The following ADAM32 variants were observed in gnomAD, a reference collection of about 807,000 sequenced individuals.
ADAM32 encodes the protein ADAM metallopeptidase domain 32, also known as disintegrin and metalloproteinase domain-containing protein 32.
In ADAM32, 89 loss-of-function variants were observed where a neutral mutation model predicts 114.9. The observed-to-expected ratio is 0.77, with a 90% CI of 0.65 to 0.92. The LOEUF is 0.92. ADAM32 is among the 40% of genes least tolerant of loss of function. ADAM32 has a pLI of 0.00. For missense variants in ADAM32, 870 were observed against 932.8 expected, an observed-to-expected ratio of 0.93 and a Z score of 0.88; for synonymous variants, 285 against 307.5, an observed-to-expected ratio of 0.93 and a Z score of 0.77.
chr8:39,108,835 T>C (rs1564413672), intron 1 of ADAM32, among the ~76,000 whole-genome samples: 1 of 152,202 alleles, frequency 6.6e-6, no homozygotes, highest in African/African-American at 2.4e-5. Flanking sequence ...GAGTGTTCTC[T>C]TCCTGGCTTG....
At chr8:39,245,814 C>A (rs1810879267) in intron 16 of ADAM32, among the ~76,000 whole-genome samples, 5 of 152,024 alleles carry the variant, frequency 3.3e-5, no homozygotes, top group Admixed American at 3.3e-4. Context: ...AAACACTGGG[C>A]TTTTTGTTAT....
At chr8:39,205,955 A>G (rs1405441845) in intron 11 of ADAM32, among the ~76,000 whole-genome samples, 1 of 151,556 alleles carries the variant, frequency 6.6e-6, no homozygotes, top group Non-Finnish European at 1.5e-5. Context: ...TGTTTCATTC[A>G]TATTTTTGTG....
At chr8:39,179,069 G>T (rs1805691622) in intron 10 of ADAM32, among the ~76,000 whole-genome samples, 1 of 152,150 alleles carries the variant, frequency 6.6e-6, no homozygotes, top group Non-Finnish European at 1.5e-5. Flanking sequence ...TGCTGTGTTT[G>T]GGGGAGCCCT....
At chr8:39,207,791 T>C (rs1807947013) in intron 11 of ADAM32, among the ~76,000 whole-genome samples, 1 of 152,238 alleles carries the variant, frequency 6.6e-6, no homozygotes, top group African/African-American at 2.4e-5. Flanking sequence ...AAATCAACTT[T>C]TTAAAAATTT....
intron 6 of ADAM32, chr8:39,157,998 C>A: frequency 6.6e-6 from 2 of 304,738 alleles, no homozygotes; most frequent in South Asian, 3.9e-5. Context: ...CTCAGTGGGT[C>A]TTGTAGGGCA....
chr8:39,280,025 T>C (rs571176782), intron 22 of ADAM32, among the ~76,000 whole-genome samples: 51 of 152,362 alleles, frequency 3.3e-4, no homozygotes, highest in African/African-American at 1.2e-3. Context: ...GCCTGTGATT[T>C]CTGCATCTCT....
chr8:39,182,567 C>A (rs919083969), intron 10 of ADAM32, among the ~76,000 whole-genome samples: 5 of 152,126 alleles, frequency 3.3e-5, no homozygotes, highest in African/African-American at 7.2e-5. Flanking sequence ...TTCAAGAATA[C>A]AATTTATCAT....
At chr8:39,138,186 T>A (rs930536007) in intron 3 of ADAM32, among the ~76,000 whole-genome samples, 8 of 152,168 alleles carry the variant, frequency 5.3e-5, no homozygotes, top group African/African-American at 9.7e-5. Flanking sequence ...GTTCTTTTTT[T>A]ATTATACTTT....
upstream of ADAM32, chr8:39,107,580 T>C: frequency 2.9e-6 from 4 of 1,398,366 alleles, no homozygotes; most frequent in Non-Finnish European, 3.7e-6. Context: ...GAGCTGGATG[T>C]TTTAGCCTCG....
At chr8:39,117,630 C>G (rs1840431721) in intron 1 of ADAM32, among the ~76,000 whole-genome samples, 1 of 151,992 alleles carries the variant, frequency 6.6e-6, no homozygotes, top group Non-Finnish European at 1.5e-5. Context: ...TGCTTATCTC[C>G]CCTTATACAT....
intron 19 of ADAM32, among the ~76,000 whole-genome samples, chr8:39,267,504 G>A (rs933006221): frequency 6.6e-6 from 1 of 152,034 alleles, no homozygotes; most frequent in African/African-American, 2.4e-5. Context: ...GAATATTTGG[G>A]TTATTTCCAG....
chr8:39,284,471 T>G (rs1195635301), intron 24 of ADAM32, among the ~76,000 whole-genome samples: 1 of 151,976 alleles, frequency 6.6e-6, no homozygotes, highest in Non-Finnish European at 1.5e-5. Context: ...TAATGTGAAC[T>G]TAAATTTCTA....
intron 23 of ADAM32, among the ~76,000 whole-genome samples, chr8:39,283,121 G>A (rs1319371377): frequency 6.6e-6 from 1 of 152,052 alleles, no homozygotes; most frequent in Non-Finnish European, 1.5e-5. Flanking sequence ...GGAAAAGACT[G>A]GGTGTGGTGG....
chr8:39,156,190 G>A (rs1026814436), intron 6 of ADAM32, among the ~76,000 whole-genome samples: 3 of 152,078 alleles, frequency 2.0e-5, no homozygotes, highest in African/African-American at 7.2e-5. Flanking sequence ...CATCCAGGCT[G>A]GAGTGTGGTG....
chr8:39,239,754 T>C (rs1170717247), intron 16 of ADAM32, among the ~76,000 whole-genome samples: 1 of 152,120 alleles, frequency 6.6e-6, no homozygotes, highest in South Asian at 2.1e-4. Context: ...CAAATGGACA[T>C]GTAAAGTGAG....
intron 11 of ADAM32, among the ~76,000 whole-genome samples, chr8:39,207,807 G>A (rs1380679324): frequency 6.6e-6 from 1 of 152,010 alleles, no homozygotes; most frequent in Non-Finnish European, 1.5e-5. Context: ...AATTTCACAC[G>A]TGAGTGTGAT....
At chr8:39,147,922 C>A (rs995143513) in intron 4 of ADAM32, among the ~76,000 whole-genome samples, 1 of 152,014 alleles carries the variant, frequency 6.6e-6, no homozygotes, top group Non-Finnish European at 1.5e-5. Context: ...TACAGGCATG[C>A]ACCACCATGC....
intron 20 of ADAM32, among the ~76,000 whole-genome samples, chr8:39,274,084 C>T (rs1044637323): frequency 1.3e-5 from 2 of 152,094 alleles, no homozygotes; most frequent in African/African-American, 4.8e-5. Flanking sequence ...TGGATACTCT[C>T]CTCATTGCAG....
chr8:39,207,036 C>A (rs1807888818), intron 11 of ADAM32, among the ~76,000 whole-genome samples: 1 of 152,020 alleles, frequency 6.6e-6, no homozygotes, highest in Non-Finnish European at 1.5e-5. Flanking sequence ...AGGCACTGTC[C>A]CACCGCTAGG....
Sources: allele counts gnomAD v4.1 joint callset (sites outside exome capture counted in the v4.1 genomes callset), GRCh38; gene constraint gnomAD v4.1.1; transcripts MANE v1.5; gene names NCBI Gene and HGNC (gene_info 2026-07-23, HGNC 2026-07-21).